Variants in MAP2K4 observed in about 807,000 individuals in gnomAD.
MAP2K4 encodes dual specificity mitogen-activated protein kinase kinase 4.
In MAP2K4, 4 loss-of-function variants were observed where a neutral mutation model predicts 48.5. The ratio of observed to expected loss-of-function variants is 0.08; its 90% CI spans 0.04 to 0.19. The LOEUF is 0.19. MAP2K4 is among the 10% of genes least tolerant of loss of function. The pLI, the probability that MAP2K4 is intolerant of heterozygous loss-of-function variation, is 1.00. For synonymous variants in MAP2K4, 166 were observed against 173.1 expected (o/e 0.96, Z 0.32); for missense variants, 258 against 493.3 (o/e 0.52, Z 4.52).
At position 12,107,851 on chromosome 17, in the gene MAP2K4, T is replaced by C; in HGVS notation, c.575T>C (p.Val192Ala). Residue 192 changes from valine (V) to alanine (A), a missense_variant, in exon 5 of 11, where the codon GTA becomes GCA. Val to Ala is a moderately conservative substitution (Grantham distance 64, BLOSUM62 0). This residue lies in a region of MAP2K4 where 132 missense variants were observed against 352.8 expected (regional missense o/e 0.37). Coordinates refer to ENST00000353533, the MANE Select transcript of MAP2K4 (RefSeq NM_003010.4). ...STSFDKFYKY[V>A]YSVLDDVIPE... Reference sequence around the variant, plus strand: ...TCGTTTGATAAGTTTTACAAATATGTATATAGTGTATTAGATGATGTTATT... The same window carrying C: ...TCGTTTGATAAGTTTTACAAATATGCATATAGTGTATTAGATGATGTTATT... 7 of 1,605,196 alleles carry C rather than the reference T, an allele frequency of 4.4e-6. No homozygotes were observed. The highest frequency in any genetic ancestry group is 1.7e-5 in the Admixed American group (1 of 58,728).
intron 3 of MAP2K4, among the ~76,000 whole-genome samples, chr17:12,090,086 A>G (rs1310437195): frequency 5.3e-5 from 8 of 152,212 alleles, no homozygotes; most frequent in Non-Finnish European, 1.0e-4. Context: ...TGAAGTGCAT[A>G]TATGACTTGT....
In MAP2K4 at chr17:12,143,729, T is replaced by C; in HGVS notation, c.*2469T>C. 4.3e-6 allele frequency: 1 copy of C among 230,638 alleles called. No individual in the cohort carries two copies. The highest frequency in any genetic ancestry group is 8.6e-6 in the Non-Finnish European group (1 of 116,382). 14.3% of individuals were successfully genotyped at this position (230,638 alleles called of 1,614,324 possible). A position where few individuals can be genotyped will look rare whatever the true frequency, so the allele number is the denominator to read the frequency against. ...CAGTTGTAATAAATCTAGGATGTGATGATGACTTTGTAATTTGATTTTCTG... is the reference window on the plus strand; with the variant it reads ...CAGTTGTAATAAATCTAGGATGTGACGATGACTTTGTAATTTGATTTTCTG... On this transcript the variant is annotated 3_prime_UTR_variant, in exon 11 of 11. Coordinates refer to ENST00000353533, the MANE Select transcript of MAP2K4 (RefSeq NM_003010.4).
At chr17:12,118,585 C>T (rs1049383843) in intron 7 of MAP2K4, among the ~76,000 whole-genome samples, 2 of 152,066 alleles carry the variant, frequency 1.3e-5, no homozygotes, top group Non-Finnish European at 2.9e-5. Flanking sequence ...ATGCTGCAAC[C>T]GAAATTCTCA....
At chr17:12,113,156 T>C in intron 6 of MAP2K4, 77 bp from the exon 7 acceptor site, 1 of 1,413,538 alleles carries the variant, frequency 7.1e-7, no homozygotes, top group Admixed American at 1.8e-5. Flanking sequence ...GGTTTTTCAA[T>C]ATTTTTGCTT....
intron 7 of MAP2K4, 125 bp from the exon 8 acceptor site, chr17:12,125,169 G>C (rs1972816095): frequency 1.4e-6 from 1 of 699,738 alleles, no homozygotes; most frequent in Non-Finnish European, 2.6e-6. Context: ...CTTCCATTCT[G>C]ACGCTAGACA....
chr17:12,032,545 G>A (rs915056903), intron 1 of MAP2K4, among the ~76,000 whole-genome samples: 29 of 151,998 alleles, frequency 1.9e-4, no homozygotes, highest in African/African-American at 6.8e-4. Flanking sequence ...ATGGAAATAC[G>A]TATTTAGGTA....
At chr17:12,060,690 T>A (rs940591306) in intron 2 of MAP2K4, among the ~76,000 whole-genome samples, 2 of 152,132 alleles carry the variant, frequency 1.3e-5, no homozygotes, top group Admixed American at 6.5e-5. Flanking sequence ...TATGTATTAA[T>A]AGATGATGTT....
chr17:12,129,436 C>A, intron 9 of MAP2K4, 149 bp downstream of exon 9: 1 of 877,422 alleles, frequency 1.1e-6, no homozygotes, highest in Non-Finnish European at 1.8e-6. Flanking sequence ...ATCACTGTGG[C>A]TGTATGGAAG....
At chr17:12,137,551 G>A (rs1298460459) in intron 9 of MAP2K4, among the ~76,000 whole-genome samples, 1 of 152,164 alleles carries the variant, frequency 6.6e-6, no homozygotes, top group Non-Finnish European at 1.5e-5. Context: ...TAGGGAAATA[G>A]GAGCTGAGAC....
intron 1 of MAP2K4, among the ~76,000 whole-genome samples, chr17:12,041,074 CTTT>C (rs1312239113): frequency 6.6e-6 from 1 of 152,254 alleles, no homozygotes; most frequent in Non-Finnish European, 1.5e-5. Context: ...AGCATATCTT[CTTT>C]GAGTGCCATT....
intron 3 of MAP2K4, among the ~76,000 whole-genome samples, chr17:12,091,633 C>A (rs1186541756): frequency 1.3e-5 from 2 of 152,020 alleles, no homozygotes; most frequent in East Asian, 1.9e-4. Context: ...GGAATGTAAT[C>A]TTTTTTTCCT....
chr17:12,048,739 C>A (rs572735725), intron 1 of MAP2K4, among the ~76,000 whole-genome samples: 2 of 152,104 alleles, frequency 1.3e-5, no homozygotes, highest in Non-Finnish European at 1.5e-5. Context: ...TCACTGAAAC[C>A]TATACCTCCT....
chr17:12,130,414 C>G (rs1972986156), intron 9 of MAP2K4, among the ~76,000 whole-genome samples: 1 of 152,134 alleles, frequency 6.6e-6, no homozygotes, highest in Non-Finnish European at 1.5e-5. Context: ...TATATAATTG[C>G]ATAAATGTGA....
At chr17:12,021,046 A>T in intron 1 of MAP2K4, 45 bp downstream of exon 1, 1 of 1,139,596 alleles carries the variant, frequency 8.8e-7, no homozygotes, top group Non-Finnish European at 1.1e-6. Context: ...CTAGCGCGGC[A>T]ACCCGCGTCG....
At chr17:12,074,292 A>G (rs956479517) in intron 2 of MAP2K4, among the ~76,000 whole-genome samples, 5 of 151,528 alleles carry the variant, frequency 3.3e-5, no homozygotes, top group Middle Eastern at 3.4e-3. Context: ...TTTTTTGTAT[A>G]CTGTGGTAAT....
intron 3 of MAP2K4, 152 bp from the exon 4 acceptor site, chr17:12,095,423 T>C: frequency 1.3e-6 from 1 of 798,542 alleles, no homozygotes; most frequent in Non-Finnish European, 2.1e-6. Flanking sequence ...TTGTGAAGTA[T>C]AAGGAAAGAT....
Position 12,081,835 on chromosome 17 carries a change from C to T in MAP2K4, c.393+305C>T. On this transcript the variant is annotated intron_variant, in intron 3 of 10. Coordinates refer to ENST00000353533, the MANE Select transcript of MAP2K4 (RefSeq NM_003010.4). This position sits in a 1 kb window ranked among gnomAD's most constrained non-coding sequence, Gnocchi z 4.2. ...TGAGTTCAGGCTGGGCGGCTGCACC[C>T]CTGGGAGCAGGGCAGTGCTGCACTG... is the stretch of plus-strand genomic sequence containing the variant. The T allele has an allele frequency of 2.0e-6, 1 of 507,142 alleles. No individual in the cohort carries two copies. Among genetic ancestry groups the T allele is most frequent in the South Asian group, 1.5e-5 (1 of 64,540 alleles). 31.4% of individuals were successfully genotyped at this position (507,142 alleles called of 1,614,324 possible).
chr17:12,103,376 CTAT>C (rs1972002664), intron 4 of MAP2K4, among the ~76,000 whole-genome samples: 2 of 151,860 alleles, frequency 1.3e-5, no homozygotes, highest in South Asian at 4.2e-4. Flanking sequence ...TATTGCTTTT[CTAT>C]TATTATTTTT....
intron 9 of MAP2K4, among the ~76,000 whole-genome samples, chr17:12,138,044 C>T (rs947960374): frequency 6.6e-6 from 1 of 152,036 alleles, no homozygotes; most frequent in African/African-American, 2.4e-5. Flanking sequence ...TTGTTCCCAG[C>T]CACAATAGTT....
Sources: gnomAD v4.1 joint callset for allele counts (sites outside exome capture counted in the v4.1 genomes callset) on GRCh38, gnomAD v4.1.1 for gene constraint, gnomAD v4.1.1 regional missense constraint, Gnocchi (gnomAD v3.1) non-coding constraint, MANE v1.5 for transcripts, NCBI Gene and HGNC (gene_info 2026-07-23, HGNC 2026-07-21) for gene names.